Variants in LRP1B observed in about 807,000 individuals in gnomAD.
LRP1B encodes low-density lipoprotein receptor-related protein 1B.
A neutral mutation model predicts 556.6 loss-of-function variants in LRP1B; 217 were observed. The ratio of observed to expected loss-of-function variants is 0.39; its 90% CI spans 0.35 to 0.44. LRP1B has a LOEUF of 0.44. Ranked by LOEUF, LRP1B falls within the 20% of genes least tolerant of loss-of-function variation. The pLI, the probability that LRP1B is intolerant of heterozygous loss-of-function variation, is 1.00. For missense variants in LRP1B, 5,053 were observed against 5,620.8 expected (o/e 0.90, Z 3.23); for synonymous variants, 2,047 against 1,865.8 (o/e 1.10, Z -2.50).
At chr2:141,055,408 CA>C in intron 9 of LRP1B, 149 bp from the exon 10 acceptor site, 2 of 675,726 alleles carry the variant, frequency 3.0e-6, no homozygotes, top group Non-Finnish European at 4.7e-6. Context: ...TAATCGAATG[CA>C]AAAGAGTGTA....
chr2:141,220,088 C>A (rs930731422), intron 6 of LRP1B, among the ~76,000 whole-genome samples: 1 of 152,118 alleles, frequency 6.6e-6, no homozygotes, highest in Admixed American at 6.6e-5. Context: ...AGATGAATGA[C>A]CTGACAGAAT....
chr2:140,721,201 T>G (rs1022443347), intron 35 of LRP1B, among the ~76,000 whole-genome samples: 3 of 152,172 alleles, frequency 2.0e-5, no homozygotes, highest in African/African-American at 7.2e-5. Context: ...GGTCCAATTT[T>G]AGCTGTTATG....
intron 55 of LRP1B, among the ~76,000 whole-genome samples, chr2:140,497,392 T>C (rs1306010048): frequency 6.6e-6 from 1 of 151,954 alleles, no homozygotes; most frequent in East Asian, 1.9e-4. Context: ...CCAGGAGGAA[T>C]TGGTACTTAA....
chr2:141,782,859 G>C (rs1574354513), intron 2 of LRP1B, among the ~76,000 whole-genome samples: 1 of 152,126 alleles, frequency 6.6e-6, no homozygotes, highest in Non-Finnish European at 1.5e-5. Flanking sequence ...GTAAGGCACT[G>C]TGTTAGAAAA....
At chr2:141,314,810 T>TTTA (rs1553493214) in intron 3 of LRP1B, among the ~76,000 whole-genome samples, 1 of 123,502 alleles carries the variant, frequency 8.1e-6, no homozygotes, top group Non-Finnish European at 1.6e-5. Flanking sequence ...AAAAAAAAAT[T>TTTA]TATATATATA....
rs367877056 is a variant in LRP1B, at chr2:140,424,251, A to T, written c.10414+18253T>A. On this transcript the variant is annotated intron_variant, in intron 66 of 90. Coordinates refer to ENST00000389484, the MANE Select transcript of LRP1B (RefSeq NM_018557.3). ...TGAAGAATTTTTCCAGACCCAAAAA[A>T]GTTAATCCAAAAAATTTTTTAAAAT... Among the ~76,000 whole-genome samples the T allele has an allele frequency of 1.6e-4, 25 of 152,240 alleles. No homozygotes were observed. In the East Asian group the frequency reaches 2.7e-3, roughly 16 times the overall value.
At chr2:140,841,977 T>C (rs1199936330) in intron 29 of LRP1B, among the ~76,000 whole-genome samples, 3 of 152,196 alleles carry the variant, frequency 2.0e-5, no homozygotes, top group Admixed American at 1.3e-4. Flanking sequence ...TCTAGCATTC[T>C]GTACTTATAG....
intron 90 of LRP1B, 141 bp from the exon 91 acceptor site, chr2:140,233,467 G>A (rs1680560956): frequency 1.9e-6 from 1 of 517,066 alleles, no homozygotes; most frequent in Middle Eastern, 5.4e-4. Context: ...TGATTTAAAG[G>A]TTATTTACAT....
chr2:140,812,386 T>C (rs533532199), intron 32 of LRP1B, among the ~76,000 whole-genome samples: 2 of 152,200 alleles, frequency 1.3e-5, no homozygotes, highest in East Asian at 3.9e-4. Flanking sequence ...ATCTCTTTCC[T>C]TCACAAGAGA....
intron 27 of LRP1B, among the ~76,000 whole-genome samples, chr2:140,866,291 G>C (rs1394979764): frequency 6.6e-6 from 1 of 152,078 alleles, no homozygotes. Flanking sequence ...TTCTAGAGAA[G>C]CGTATTTTTT....
At chr2:141,314,657 G>C (rs1686930927) in intron 3 of LRP1B, among the ~76,000 whole-genome samples, 2 of 151,326 alleles carry the variant, frequency 1.3e-5, no homozygotes, top group Admixed American at 6.6e-5. Context: ...CGGGCGTGGT[G>C]GCGGGCACTG....
At chr2:141,574,184 C>A (rs530982409) in intron 2 of LRP1B, among the ~76,000 whole-genome samples, 1 of 152,106 alleles carries the variant, frequency 6.6e-6, no homozygotes, top group Non-Finnish European at 1.5e-5. Flanking sequence ...AACATCAATG[C>A]GAAAATCCTC....
At position 140,625,947 on chromosome 2, in the gene LRP1B, C is replaced by T. The variant is rs184560957; in HGVS notation, c.6800-24308G>A. On this transcript the variant is annotated intron_variant, in intron 41 of 90. Coordinates refer to ENST00000389484, the MANE Select transcript of LRP1B (RefSeq NM_018557.3). The stretch of plus-strand genomic sequence containing the variant: ...TGGTTGTTTATGGCAGCTTTATTCG[C>T]AATTGCCAAAACTTGGAAGCAATCA... Among the ~76,000 whole-genome samples the T allele has an allele frequency of 1.3e-3, 205 of 152,238 alleles. 1 individual carries two copies. The highest frequency in any genetic ancestry group is 4.4e-3 in the African/African-American group (182 of 41,556).
chr2:141,613,376 C>T (rs1574141208), intron 2 of LRP1B, among the ~76,000 whole-genome samples: 4 of 152,176 alleles, frequency 2.6e-5, no homozygotes, highest in East Asian at 3.9e-4. Context: ...TTAAAAAATC[C>T]GTATAAGAAA....
At chr2:141,454,986 T>C (rs1390101285) in intron 3 of LRP1B, among the ~76,000 whole-genome samples, 1 of 152,172 alleles carries the variant, frequency 6.6e-6, no homozygotes, top group Non-Finnish European at 1.5e-5. Flanking sequence ...TTTTTTTCTT[T>C]TAAACTGCTG....
chr2:141,994,028 A>G (rs1050208276), intron 1 of LRP1B, among the ~76,000 whole-genome samples: 1 of 152,182 alleles, frequency 6.6e-6, no homozygotes, highest in East Asian at 1.9e-4. Context: ...CTGATTTGTT[A>G]TAAGTCAAGA....
intron 3 of LRP1B, among the ~76,000 whole-genome samples, chr2:141,441,619 ATAAC>A (rs1391008293): frequency 6.6e-6 from 1 of 152,228 alleles, no homozygotes; most frequent in Non-Finnish European, 1.5e-5. Context: ...ATGTAAACAA[ATAAC>A]TAATCATGCC....
rs559313207 is a variant in LRP1B at position 141,486,749 on chromosome 2, A to T, written c.206-6216T>A. On this transcript the variant is annotated intron_variant, in intron 2 of 90. Coordinates refer to ENST00000389484, the MANE Select transcript of LRP1B (RefSeq NM_018557.3). The stretch of plus-strand genomic sequence containing the variant: ...TCAATTTTCTGAACTTATGCCCAAG[A>T]ATAAAGTTGCTTTTGCTCTTTAAAC... Among the ~76,000 whole-genome samples the T allele has an allele frequency of 1.6e-3, 250 of 152,180 alleles. 1 individual carries two copies. The highest frequency in any genetic ancestry group is 2.0e-3 in the Non-Finnish European group (137 of 68,010).
At chr2:141,318,502 CT>C (rs1687111782) in intron 3 of LRP1B, among the ~76,000 whole-genome samples, 1 of 152,076 alleles carries the variant, frequency 6.6e-6, no homozygotes, top group African/African-American at 2.4e-5. Context: ...TAATTCTTCA[CT>C]TTATCTCCTT....
Sources: gnomAD v4.1 joint callset for allele counts (sites outside exome capture counted in the v4.1 genomes callset) on GRCh38, gnomAD v4.1.1 for gene constraint, MANE v1.5 for transcripts, NCBI Gene and HGNC (gene_info 2026-07-23, HGNC 2026-07-21) for gene names.